The following ARSG variants were observed in gnomAD, a reference collection of about 807,000 sequenced individuals.
The protein encoded by ARSG is arylsulfatase G, also known as ASG.
A neutral mutation model predicts 50.5 loss-of-function variants in ARSG; 37 were observed. The observed-to-expected ratio is 0.73, with a 90% confidence interval of 0.56 to 0.96. ARSG has a LOEUF of 0.96. Ranked by LOEUF, ARSG falls within the 50% of genes least tolerant of loss-of-function variation. The pLI is 0.00. For synonymous variants in ARSG, 225 were observed against 254.6 expected (o/e 0.88, Z 1.11); for missense variants, 629 against 675.3 (o/e 0.93, Z 0.76).
At position 68,271,050 on chromosome 17, in the gene ARSG, A is replaced by G; in HGVS notation, c.-552+11624A>G. On this transcript the variant is annotated intron_variant, in intron 1 of 11. Coordinates refer to the ARSG transcript ENST00000448504. This position sits in a 1 kb window ranked among gnomAD's most constrained non-coding sequence, Gnocchi z 5.3. Reference sequence around the variant, plus strand: ...CAAAAGTAAAGGCAAACAGAGACACAGTCAATAAGATGACGCAGATGAGCT... The same window carrying G: ...CAAAAGTAAAGGCAAACAGAGACACGGTCAATAAGATGACGCAGATGAGCT... 6.2e-7 allele frequency: 1 copy of G among 1,614,240 alleles called. No individual in the cohort carries two copies. Among genetic ancestry groups the G allele is most frequent in the African/African-American group, 1.3e-5 (1 of 75,052 alleles).
chr17:68,368,703 T>C lies in ARSG; in HGVS notation c.860T>C (p.Val287Ala), dbSNP rs1450209042. The C allele has an allele frequency of 3.7e-6, 6 of 1,613,974 alleles. No individual in the cohort carries two copies. Among genetic ancestry groups the C allele is most frequent in the East Asian group, 2.2e-5 (1 of 44,886 alleles). Residue 287 changes from valine (V) to alanine (A), a missense_variant, in exon 7 of 12, where the codon GTT (valine) becomes GCT (alanine). Transcript: ENST00000621439. ...DSLVGQIKDK[V>A]DHTVKENTFL... ...CTGGTGGGCCAGATCAAGGACAAAG[T>C]TGACCACACAGTGAAGGAAAACACA...
At chr17:68,314,426 T>G (rs113716578) in intron 2 of ARSG, among the ~76,000 whole-genome samples, 7 of 150,730 alleles carry the variant, frequency 4.6e-5, no homozygotes, top group African/African-American at 1.7e-4. Context: ...CTCGGGAGGC[T>G]GAGGCGGGAG....
chr17:68,333,380 C>G (rs1479175546), intron 2 of ARSG, among the ~76,000 whole-genome samples: 1 of 151,862 alleles, frequency 6.6e-6, no homozygotes, highest in Non-Finnish European at 1.5e-5. Context: ...GTAATCCTAG[C>G]ACTTTGGGAG....
At chr17:68,355,363 G>A (rs564288565) in intron 5 of ARSG, among the ~76,000 whole-genome samples, 42 of 152,290 alleles carry the variant, frequency 2.8e-4, no homozygotes, top group Admixed American at 2.3e-3. Flanking sequence ...TTGAGCTTGT[G>A]TTGTTTTGTT....
chr17:68,272,800 C>G, intron 1 of ARSG: 11 of 1,611,930 alleles, frequency 6.8e-6, no homozygotes, highest in Non-Finnish European at 9.3e-6. Flanking sequence ...GCCAATGAGA[C>G]CCACATACTG....
At chr17:68,325,329 A>G (rs782024804) in intron 2 of ARSG, among the ~76,000 whole-genome samples, 9 of 151,950 alleles carry the variant, frequency 5.9e-5, no homozygotes, top group Non-Finnish European at 8.8e-5. Flanking sequence ...CATCACCCCC[A>G]GATGGGACCA....
chr17:68,346,691 G>T (rs1201495902), intron 3 of ARSG: 3 of 1,208,474 alleles, frequency 2.5e-6, no homozygotes, highest in South Asian at 1.5e-5. Context: ...AGAGGAAGAT[G>T]ATGAAACCAG....
chr17:68,284,134 C>T (rs908330229), intron 1 of ARSG, among the ~76,000 whole-genome samples: 1 of 147,488 alleles, frequency 6.8e-6, no homozygotes. Flanking sequence ...AAGCTGGGCG[C>T]AGTGGCTCAT....
intron 8 of ARSG, among the ~76,000 whole-genome samples, chr17:68,375,026 G>A (rs1346442913): frequency 6.6e-6 from 1 of 152,112 alleles, no homozygotes; most frequent in Admixed American, 6.5e-5. Flanking sequence ...TATGCTTAGT[G>A]CTGGTGCCAC....
At chr17:68,260,091 G>A (rs1470695824) in intron 1 of ARSG, among the ~76,000 whole-genome samples, 2 of 152,142 alleles carry the variant, frequency 1.3e-5, no homozygotes, top group African/African-American at 4.8e-5. Flanking sequence ...TCATTTTCAA[G>A]GGCCTGGTAT....
At position 68,291,511 on chromosome 17, in the gene ARSG, C is replaced by G. The variant is rs1288743307; in HGVS notation, c.-609C>G. On this transcript the variant is annotated 5_prime_UTR_variant, in exon 1 of 12. Transcript: ENST00000621439. ...CGCGCGCGCGCCGTCCCACGTGGAC[C>G]TGAGCCGCGCCGGTCGCGCGCCCGC... 6.7e-6 allele frequency: 1 copy of G among 150,312 alleles called. No individual in the cohort carries two copies. Among genetic ancestry groups the G allele is most frequent in the Admixed American group, 6.6e-5 (1 of 15,134 alleles). 9.3% of individuals were successfully genotyped at this position (150,312 alleles called of 1,614,324 possible).
chr17:68,292,213 C>A (rs1426668039), intron 1 of ARSG, among the ~76,000 whole-genome samples: 2 of 151,816 alleles, frequency 1.3e-5, no homozygotes, highest in African/African-American at 4.8e-5. Context: ...GCTGAGTCAG[C>A]ATCCCCGGCC....
rs1223009653 is a variant in ARSG at position 68,378,906 on chromosome 17, T to C, written c.983-6158T>C. ...CCGCTGGGAAGCAGTCTCTGCATCC[T>C]GGGCCTTCTGTCCAGTTTGGGGTCG... On this transcript the variant is annotated intron_variant, in intron 8 of 11. Coordinates refer to ENST00000621439, the MANE Select transcript of ARSG (RefSeq NM_001267727.2). The surrounding 1 kb of genome is among the most constrained non-coding windows in gnomAD (Gnocchi z 4.4). 7.9e-6 allele frequency among the ~76,000 whole-genome samples: 1 copy of C among 126,680 alleles called. No individual in the cohort carries two copies. Among genetic ancestry groups the C allele is most frequent in the Non-Finnish European group, 1.6e-5 (1 of 61,660 alleles). 83.1% of individuals were successfully genotyped at this position (126,680 alleles called of 152,430 possible). A position where few individuals can be genotyped will look rare whatever the true frequency, so the allele number is the denominator to read the frequency against.
the ARSG span, among the ~76,000 whole-genome samples, chr17:68,448,857 G>A: frequency 6.6e-6 from 1 of 152,164 alleles, no homozygotes; most frequent in South Asian, 2.1e-4. Flanking sequence ...CCTTCAATCA[G>A]AAAACTCTCA....
chr17:68,438,030 G>GA, the ARSG span, among the ~76,000 whole-genome samples: 1 of 142,456 alleles, frequency 7.0e-6, no homozygotes. Context: ...AAAAGTATAA[G>GA]AAAAAACTTT....
chr17:68,415,365 C>A (rs1472840240), intron 11 of ARSG, among the ~76,000 whole-genome samples: 2 of 152,118 alleles, frequency 1.3e-5, no homozygotes, highest in Non-Finnish European at 2.9e-5. Context: ...CAGTTTTATT[C>A]CACTGTGGTC....
upstream of ARSG, among the ~76,000 whole-genome samples, chr17:68,288,155 C>T (rs147448023): frequency 3.4e-3 from 520 of 150,860 alleles, 2 homozygotes; most frequent in African/African-American, 0.012. Flanking sequence ...TGCCACCACG[C>T]CCGGCTGATT....
chr17:68,382,027 T>A (rs555132087), intron 8 of ARSG, among the ~76,000 whole-genome samples: 2 of 151,510 alleles, frequency 1.3e-5, no homozygotes, highest in African/African-American at 4.8e-5. Context: ...TTTGGCTCAC[T>A]GCAACCTCCG....
the ARSG span, among the ~76,000 whole-genome samples, chr17:68,427,803 TG>T: frequency 6.6e-6 from 1 of 152,116 alleles, no homozygotes; most frequent in Non-Finnish European, 1.5e-5. Context: ...CAGCCATCGG[TG>T]GGGGGCGGTG....
Sources: allele counts gnomAD v4.1 joint callset (sites outside exome capture counted in the v4.1 genomes callset), GRCh38; gene constraint gnomAD v4.1.1; non-coding constraint Gnocchi (gnomAD v3.1); transcripts MANE v1.5; gene names NCBI Gene and HGNC (gene_info 2026-07-23, HGNC 2026-07-21).